The following AGO3 variants were observed in gnomAD, a reference collection of about 807,000 sequenced individuals.
The protein encoded by AGO3 is argonaute RISC catalytic component 3.
A neutral mutation model predicts 105.5 loss-of-function variants in AGO3; 16 were observed. That is an observed-to-expected ratio of 0.15 (90% CI 0.10 to 0.23). AGO3 has a LOEUF of 0.23. Ranked by LOEUF, AGO3 falls within the 10% of genes least tolerant of loss-of-function variation. The pLI is 1.00. For synonymous variants in AGO3, 340 were observed against 367.3 expected (o/e 0.93, Z 0.85); for missense variants, 534 against 1,088.0 (o/e 0.49, Z 7.16).
intron 1 of AGO3, among the ~76,000 whole-genome samples, chr1:35,935,947 A>G (rs1015639204): frequency 3.3e-5 from 5 of 152,328 alleles, no homozygotes; most frequent in African/African-American, 1.2e-4. Flanking sequence ...TGTTTTCAGG[A>G]AGGTAAAACT....
chr1:35,970,729 GTTTA>G (rs900321920), intron 3 of AGO3, among the ~76,000 whole-genome samples: 2 of 150,588 alleles, frequency 1.3e-5, no homozygotes, highest in Admixed American at 1.3e-4. Flanking sequence ...CCCTCCCTTT[GTTTA>G]TTTATTTATT....
At chr1:36,050,660 C>T (rs570892743) in intron 17 of AGO3, among the ~76,000 whole-genome samples, 20 of 151,540 alleles carry the variant, frequency 1.3e-4, no homozygotes, top group East Asian at 2.0e-4. Flanking sequence ...GGTGTGGTGG[C>T]GGGCGCCTAT....
chr1:35,950,447 A>C (rs1206879414), intron 2 of AGO3, among the ~76,000 whole-genome samples: 1 of 152,184 alleles, frequency 6.6e-6, no homozygotes, highest in Non-Finnish European at 1.5e-5. Flanking sequence ...ATATCCAGGA[A>C]ATGCTAGTGA....
rs555221009 is a variant in AGO3, at chr1:36,031,030, A to C, written c.1592-3144A>C. ...TCTGTCATTTATTTCACTTATCCAT[A>C]AGCTATAACTACCCAATACACTGTT... On this transcript the variant is annotated intron_variant, in intron 12 of 18. Transcript: ENST00000373191. Among the ~76,000 whole-genome samples, 3 of 152,298 alleles carry C rather than the reference A, an allele frequency of 2.0e-5. No individual in the cohort carries two copies. In the East Asian group the frequency reaches 5.8e-4, roughly 29 times the overall value.
At chr1:36,033,915 TTATGC>T (rs1337720286) in intron 12 of AGO3, among the ~76,000 whole-genome samples, 3 of 152,178 alleles carry the variant, frequency 2.0e-5, no homozygotes, top group Non-Finnish European at 4.4e-5. Context: ...GTTATTGCAG[TTATGC>T]TATGGCAAAA....
At chr1:35,935,120 AT>A (rs1292618884) in intron 1 of AGO3, among the ~76,000 whole-genome samples, 1 of 152,224 alleles carries the variant, frequency 6.6e-6, no homozygotes, top group Non-Finnish European at 1.5e-5. Flanking sequence ...CTTAAAAAAA[AT>A]ATATTTATTG....
chr1:35,931,487 C>T lies in AGO3; in HGVS notation c.19+42C>T, dbSNP rs376736368. The T allele has an allele frequency of 3.1e-5, 45 of 1,432,206 alleles. No individual in the cohort carries two copies. The African/African-American group carries it at 5.5e-4, about 17-fold the overall frequency. 88.7% of individuals were successfully genotyped at this position (1,432,206 alleles called of 1,614,324 possible). ...GGGCCAGGTAGGGGATGTCACCCAGCTACTGTCCTCTGAGCATCCCTGCTC... is the reference window on the plus strand; with the variant it reads ...GGGCCAGGTAGGGGATGTCACCCAGTTACTGTCCTCTGAGCATCCCTGCTC... On this transcript the variant is annotated intron_variant, in intron 1 of 18. Transcript: ENST00000373191.
rs866769634 is a variant in AGO3 at position 36,003,721 on chromosome 1, T to A, written c.659-620T>A. Among the ~76,000 whole-genome samples, 269 of 135,308 alleles carry A rather than the reference T, an allele frequency of 2.0e-3. 2 individuals are homozygous for A. The highest frequency in any genetic ancestry group is 4.7e-3 in the South Asian group (20 of 4,234). The allele number at this position is 135,308 out of a possible 152,430, so 88.8% of individuals were successfully genotyped here. ...AAAAAAAAAAAAAAATATATATATA[T>A]ATATATATATATATATATGTATATT... is the stretch of plus-strand genomic sequence containing the variant. On this transcript the variant is annotated intron_variant, in intron 5 of 18. Coordinates refer to ENST00000373191, the MANE Select transcript of AGO3 (RefSeq NM_024852.4).
At position 35,972,121 on chromosome 1, in the gene AGO3, A is replaced by G. The variant is rs752215572; in HGVS notation, c.410A>G (p.His137Arg). Residue 137 changes from histidine to arginine, a missense_variant, in exon 4 of 19, where the codon CAT (histidine) becomes CGT (arginine). By Grantham distance (29) the His-to-Arg change is conservative. Transcript: ENST00000373191. ...FVSRVSWHLL[H>R]EVLTGRTLPE... The stretch of plus-strand genomic sequence containing the variant: ...TCTCGGGTGAGTTGGCACCTACTGC[A>G]TGAAGTACTGACAGGACGGACCTTG... 4.3e-6 allele frequency: 7 copies of G among 1,614,172 alleles called. No homozygotes were observed. Among genetic ancestry groups the G allele is most frequent in the Middle Eastern group, 1.7e-4 (1 of 6,048 alleles).
At chr1:36,018,735 T>C (rs1240202834) in intron 11 of AGO3, among the ~76,000 whole-genome samples, 1 of 152,080 alleles carries the variant, frequency 6.6e-6, no homozygotes, top group African/African-American at 2.4e-5. Context: ...CTGGCCAATA[T>C]GAGGTTTTTT....
intron 6 of AGO3, among the ~76,000 whole-genome samples, chr1:36,007,334 C>T (rs1038433187): frequency 6.6e-6 from 1 of 152,180 alleles, no homozygotes; most frequent in African/African-American, 2.4e-5. Flanking sequence ...TCTGTGACCT[C>T]TGTGTACCTG....
At position 36,023,513 on chromosome 1, in the gene AGO3, A is replaced by C. The variant is rs139677485; in HGVS notation, c.1407-3601A>C. ...TGGTTGAAGACTTATGTACAGAAAA[A>C]GGAAAGTGATGTACAGAAAATGAAA... On this transcript the variant is annotated intron_variant, in intron 11 of 18. Transcript: ENST00000373191. Among the ~76,000 whole-genome samples, 1,015 of 152,362 alleles carry C rather than the reference A, an allele frequency of 6.7e-3. 8 individuals carry two copies. Among genetic ancestry groups the C allele is most frequent in the African/African-American group, 0.023 (966 of 41,584 alleles).
intron 5 of AGO3, among the ~76,000 whole-genome samples, chr1:35,996,319 C>A: frequency 1.4e-5 from 2 of 147,902 alleles, no homozygotes. Flanking sequence ...AAGACTCTGA[C>A]TCTTAAAAAA....
At position 36,042,919 on chromosome 1, in the gene AGO3, C is replaced by G. The variant is rs564188570; in HGVS notation, c.2173-528C>G. ...TTTGTATTCCTGAGCCTTTATTTCC[C>G]TAAACAAATGGAAATAATCCCTAAC... On this transcript the variant is annotated intron_variant, in intron 16 of 18. Coordinates refer to ENST00000373191, the MANE Select transcript of AGO3 (RefSeq NM_024852.4). Among the ~76,000 whole-genome samples, 28 of 152,266 alleles carry G rather than the reference C, an allele frequency of 1.8e-4. 1 individual carries two copies. The East Asian group carries it at 4.6e-3, about 25-fold the overall frequency.
In AGO3 at chr1:36,059,677, G is replaced by A. The variant is rs575203793; in HGVS notation, c.*3932G>A. The A allele has an allele frequency of 2.5e-4, 38 of 152,040 alleles. No individual in the cohort carries two copies. Among genetic ancestry groups the A allele is most frequent in the African/African-American group, 9.2e-4 (38 of 41,466 alleles). The allele number at this position is 152,040 out of a possible 1,614,324, so 9.4% of individuals were successfully genotyped here. ...ACAGTATCAGGTTACTGGCATGGAG[G>A]ACCATACACTTACAATATTGTAGCT... On this transcript the variant is annotated 3_prime_UTR_variant, in exon 19 of 19. Transcript: ENST00000373191.
intron 12 of AGO3, among the ~76,000 whole-genome samples, chr1:36,033,642 CAAA>C (rs10717828): frequency 9.9e-5 from 13 of 131,538 alleles, no homozygotes; most frequent in Non-Finnish European, 9.8e-5. Context: ...GAGATCCTCT[CAAA>C]AAAAAAAAAA....
chr1:36,063,454 A>G lies in AGO3; in HGVS notation c.*7709A>G, dbSNP rs1440128010. 2 of 152,158 alleles carry G rather than the reference A, an allele frequency of 1.3e-5. No homozygotes were observed. Among genetic ancestry groups the G allele is most frequent in the African/African-American group, 4.8e-5 (2 of 41,428 alleles). The allele number at this position is 152,158 out of a possible 1,614,324, so 9.4% of individuals were successfully genotyped here. The stretch of plus-strand genomic sequence containing the variant: ...AGATACCATTTTTGTAGGCCTGGAA[A>G]ACAAATAGCAAATGATTCAAAATTC... On this transcript the variant is annotated 3_prime_UTR_variant, in exon 19 of 19. Transcript: ENST00000373191.
intron 3 of AGO3, among the ~76,000 whole-genome samples, chr1:35,968,992 C>T (rs1646820441): frequency 6.6e-6 from 1 of 151,834 alleles, no homozygotes; most frequent in African/African-American, 2.4e-5. Flanking sequence ...TGTCCCCCAA[C>T]AATTAGTGAT....
At chr1:36,013,085 C>G (rs1640701696) in intron 9 of AGO3, among the ~76,000 whole-genome samples, 1 of 151,750 alleles carries the variant, frequency 6.6e-6, no homozygotes, top group Non-Finnish European at 1.5e-5. Context: ...CACAGGCACA[C>G]AGCACCACAC....
Sources: gnomAD v4.1 joint callset for allele counts (sites outside exome capture counted in the v4.1 genomes callset) on GRCh38, gnomAD v4.1.1 for gene constraint, MANE v1.5 for transcripts, NCBI Gene and HGNC (gene_info 2026-07-23, HGNC 2026-07-21) for gene names.